Variants in DPYD observed in about 807,000 individuals in gnomAD.
The protein encoded by DPYD is dihydropyrimidine dehydrogenase.
A neutral mutation model predicts 116.2 loss-of-function variants in DPYD; 109 were observed. The ratio of observed to expected loss-of-function variants is 0.94; its 90% confidence interval spans 0.80 to 1.10. The LOEUF is 1.10. DPYD is among the 50% of genes least tolerant of loss of function. The pLI is 0.00. For synonymous variants in DPYD, 440 were observed against 432.0 expected, an observed-to-expected ratio of 1.02 and a Z score of -0.23; for missense variants, 1,302 against 1,254.5, an observed-to-expected ratio of 1.04 and a Z score of -0.57.
At chr1:97,571,276 C>T (rs2811215) in intron 11 of DPYD, among the ~76,000 whole-genome samples, 21,335 of 151,842 alleles carry the variant, frequency 0.14, 1,616 homozygotes, top group Middle Eastern at 0.18. Flanking sequence ...CAAGAATATG[C>T]TCTAGTTTTG....
chr1:97,833,956 C>T (rs1171638157), intron 2 of DPYD, among the ~76,000 whole-genome samples: 1 of 152,004 alleles, frequency 6.6e-6, no homozygotes. Flanking sequence ...TACATATGCA[C>T]AAGTACACAA....
Position 97,161,796 on chromosome 1 carries a change from C to T in DPYD, c.2622+31273G>A, listed in dbSNP as rs542667124. Among the ~76,000 whole-genome samples, 241 of 144,416 alleles carry T rather than the reference C, an allele frequency of 1.7e-3. 1 individual carries two copies. The highest frequency in any genetic ancestry group is 6.0e-3 in the African/African-American group (230 of 38,654). 94.7% of individuals were successfully genotyped at this position (144,416 alleles called of 152,430 possible). On this transcript the variant is annotated intron_variant, in intron 20 of 22. Coordinates refer to ENST00000370192, the MANE Select transcript of DPYD (RefSeq NM_000110.4). ...TCCATGTGTTCTCATTGTTCAATTC[C>T]CACCTATGAGTGAGAACATGGGGTG...
intron 18 of DPYD, among the ~76,000 whole-genome samples, chr1:97,258,328 A>G (rs1449518760): frequency 6.6e-6 from 1 of 152,164 alleles, no homozygotes; most frequent in Non-Finnish European, 1.5e-5. Context: ...TGCCACCACA[A>G]GAGCCTACTA....
chr1:97,513,119 T>C (rs1364663357), intron 13 of DPYD, among the ~76,000 whole-genome samples: 1 of 151,826 alleles, frequency 6.6e-6, no homozygotes, highest in East Asian at 1.9e-4. Flanking sequence ...AAGTCAATGG[T>C]CTATCGGTGC....
At chr1:97,525,885 T>TGC (rs1350535659) in intron 12 of DPYD, among the ~76,000 whole-genome samples, 185 of 65,984 alleles carry the variant, frequency 2.8e-3, no homozygotes, top group African/African-American at 8.4e-3. Flanking sequence ...TGTGTGTGTG[T>TGC]GCGCGCGCGC....
intron 20 of DPYD, among the ~76,000 whole-genome samples, chr1:97,171,182 G>A (rs142114909): frequency 1.8e-4 from 28 of 152,194 alleles, no homozygotes; most frequent in Admixed American, 2.6e-4. Context: ...GCCAATAAAC[G>A]GAAGGTCCAT....
intron 18 of DPYD, among the ~76,000 whole-genome samples, chr1:97,260,167 A>G (rs1247021469): frequency 6.6e-6 from 1 of 152,150 alleles, no homozygotes; most frequent in Non-Finnish European, 1.5e-5. Flanking sequence ...CAAGAATGGC[A>G]CTTGCTTGTA....
At chr1:97,452,329 A>G (rs1676463151) in intron 13 of DPYD, among the ~76,000 whole-genome samples, 1 of 152,166 alleles carries the variant, frequency 6.6e-6, no homozygotes, top group Non-Finnish European at 1.5e-5. Context: ...CTTGTAAAGA[A>G]AGAAACTATA....
intron 13 of DPYD, among the ~76,000 whole-genome samples, chr1:97,480,731 A>C (rs1186518991): frequency 6.6e-6 from 1 of 152,244 alleles, no homozygotes; most frequent in Non-Finnish European, 1.5e-5. Context: ...CTGTAATCCC[A>C]GCACTTTGGG....
At position 97,691,409 on chromosome 1, in the gene DPYD, T is replaced by TA; in HGVS notation, c.762+307dup. On this transcript the variant is annotated intron_variant, in intron 7 of 22. Transcript: ENST00000370192. ...CACAACTTGCATGAAAAAACATGAT[T>TA]AAAGAAACCAAATCCTTCTATTAGC... 8.0e-6 allele frequency: 2 copies of TA among 251,554 alleles called. 1 individual carries two copies. Among genetic ancestry groups the TA allele is most frequent in the South Asian group, 1.2e-4 (2 of 16,772 alleles). 15.6% of individuals were successfully genotyped at this position (251,554 alleles called of 1,614,324 possible).
chr1:97,400,182 C>A (rs1025668991), intron 14 of DPYD, among the ~76,000 whole-genome samples: 1 of 152,106 alleles, frequency 6.6e-6, no homozygotes, highest in African/African-American at 2.4e-5. Flanking sequence ...TTGTCAAAGG[C>A]CTTTTCTGCA....
chr1:97,692,437 G>T (rs1661057945), intron 6 of DPYD, among the ~76,000 whole-genome samples: 3 of 151,824 alleles, frequency 2.0e-5, no homozygotes, highest in Admixed American at 6.6e-5. Flanking sequence ...AAAAAAAAAT[G>T]AGGCCTATGG....
At chr1:97,504,302 A>T (rs1044923410) in intron 13 of DPYD, among the ~76,000 whole-genome samples, 15 of 151,984 alleles carry the variant, frequency 9.9e-5, no homozygotes, top group African/African-American at 3.4e-4. Context: ...TCTGTTGCTA[A>T]AAGATGAGCT....
At position 97,791,568 on chromosome 1, in the gene DPYD, C is replaced by T. The variant is rs75723285; in HGVS notation, c.233+36546G>A. Among the ~76,000 whole-genome samples the T allele has an allele frequency of 1.1e-4, 16 of 152,254 alleles. No homozygotes were observed. In the East Asian group the frequency reaches 3.1e-3, roughly 29 times the overall value. ...TAACACAGAATGTCTCCAGAGAAGCCATGCTTAAGTCTAGTAACTAAATGT... is the reference window on the plus strand; with the variant it reads ...TAACACAGAATGTCTCCAGAGAAGCTATGCTTAAGTCTAGTAACTAAATGT... On this transcript the variant is annotated intron_variant, in intron 3 of 22. Coordinates refer to ENST00000370192, the MANE Select transcript of DPYD (RefSeq NM_000110.4).
At chr1:97,314,671 G>T (rs1053164630) in intron 16 of DPYD, among the ~76,000 whole-genome samples, 1 of 151,736 alleles carries the variant, frequency 6.6e-6, no homozygotes, top group Non-Finnish European at 1.5e-5. Flanking sequence ...GTAGAGATCA[G>T]CCCTGAAAGC....
At chr1:97,358,759 C>G (rs1343930880) in intron 16 of DPYD, among the ~76,000 whole-genome samples, 1 of 150,222 alleles carries the variant, frequency 6.7e-6, no homozygotes, top group Non-Finnish European at 1.5e-5. Context: ...AAAGGAATAG[C>G]ATCAACATCA....
At chr1:97,755,403 A>G (rs1426524890) in intron 3 of DPYD, among the ~76,000 whole-genome samples, 1 of 152,154 alleles carries the variant, frequency 6.6e-6, no homozygotes, top group Non-Finnish European at 1.5e-5. Context: ...CTGGCCCACA[A>G]TGGGTCTTAG....
intron 3 of DPYD, among the ~76,000 whole-genome samples, chr1:97,818,007 C>T (rs565934467): frequency 6.6e-6 from 1 of 152,078 alleles, no homozygotes; most frequent in South Asian, 2.1e-4. Flanking sequence ...AAAACAAAAG[C>T]TGCATCCCTT....
At chr1:97,184,487 T>C (rs1657863933) in intron 20 of DPYD, among the ~76,000 whole-genome samples, 1 of 152,148 alleles carries the variant, frequency 6.6e-6, no homozygotes, top group African/African-American at 2.4e-5. Context: ...TATTTTAGTG[T>C]GCTTTTATTT....
Sources: allele counts gnomAD v4.1 joint callset (sites outside exome capture counted in the v4.1 genomes callset), GRCh38; gene constraint gnomAD v4.1.1; transcripts MANE v1.5; gene names NCBI Gene and HGNC (gene_info 2026-07-23, HGNC 2026-07-21).